Variants in ZCWPW2 observed in about 807,000 individuals in gnomAD.
ZCWPW2 encodes the protein zinc finger CW-type PWWP domain protein 2.
Under a neutral mutation model 46.6 loss-of-function variants are expected in ZCWPW2, and 45 were observed. The ratio of observed to expected loss-of-function variants is 0.96; its 90% CI spans 0.76 to 1.24. The LOEUF is 1.24. ZCWPW2 is among the 50% of genes most tolerant of loss of function. ZCWPW2 has a pLI of 0.00. For synonymous variants in ZCWPW2, 152 were observed against 137.1 expected (o/e 1.11, Z -0.76); for missense variants, 429 against 403.9 (o/e 1.06, Z -0.53).
chr3:28,488,428 G>A (rs1255057444), intron 5 of ZCWPW2, among the ~76,000 whole-genome samples: 2 of 152,094 alleles, frequency 1.3e-5, no homozygotes, highest in Non-Finnish European at 2.9e-5. Flanking sequence ...TTACATGCCA[G>A]ACCAGAAACT....
intron 4 of ZCWPW2, among the ~76,000 whole-genome samples, chr3:28,475,087 G>C (rs939527229): frequency 2.0e-5 from 3 of 151,918 alleles, no homozygotes; most frequent in African/African-American, 4.8e-5. Context: ...CAGGCAACCT[G>C]TCCAACTCGG....
At chr3:28,489,659 C>T (rs1277626035) in intron 5 of ZCWPW2, among the ~76,000 whole-genome samples, 13 of 63,250 alleles carry the variant, frequency 2.1e-4, no homozygotes, top group Non-Finnish European at 3.9e-4. Flanking sequence ...CTTTCACACA[C>T]ACACGCGCGC....
At chr3:28,521,984 C>T (rs1488959762) in intron 9 of ZCWPW2, among the ~76,000 whole-genome samples, 2 of 152,156 alleles carry the variant, frequency 1.3e-5, no homozygotes, top group Non-Finnish European at 2.9e-5. Flanking sequence ...TGGCTTATCA[C>T]TTACCTCAGA....
intron 1 of ZCWPW2, among the ~76,000 whole-genome samples, chr3:28,351,310 T>C (rs1704541359): frequency 6.6e-6 from 1 of 150,662 alleles, no homozygotes; most frequent in Non-Finnish European, 1.5e-5. Context: ...TTCCACCCCC[T>C]ACACCAATTC....
intron 6 of ZCWPW2, among the ~76,000 whole-genome samples, chr3:28,513,750 AG>A (rs1252172929): frequency 6.6e-6 from 1 of 151,940 alleles, no homozygotes; most frequent in Non-Finnish European, 1.5e-5. Context: ...CTTTATCTAA[AG>A]GTTATATATG....
rs531069585 is a variant in ZCWPW2 at position 28,382,058 on chromosome 3, A to C, written c.-133-8440A>C. On this transcript the variant is annotated intron_variant, in intron 1 of 9. Coordinates refer to ENST00000383768, the MANE Select transcript of ZCWPW2 (RefSeq NM_001040432.4). Reference sequence around the variant, plus strand: ...ATGCCTGTAATCCCATCTACTCGGGAGGCTGAGGCGGGAGAATCGCTTGAA... The same window carrying C: ...ATGCCTGTAATCCCATCTACTCGGGCGGCTGAGGCGGGAGAATCGCTTGAA... Among the ~76,000 whole-genome samples the C allele has an allele frequency of 2.7e-5, 4 of 147,548 alleles. No individual in the cohort carries two copies. The South Asian group carries it at 9.0e-4, about 33-fold the overall frequency.
intron 2 of ZCWPW2, among the ~76,000 whole-genome samples, chr3:28,391,015 A>T (rs1695466104): frequency 6.6e-6 from 1 of 152,188 alleles, no homozygotes; most frequent in African/African-American, 2.4e-5. Context: ...AGGGCCCCAG[A>T]TAGGGATTGA....
intron 4 of ZCWPW2, among the ~76,000 whole-genome samples, chr3:28,435,954 C>A (rs1697472462): frequency 6.6e-6 from 1 of 152,106 alleles, no homozygotes; most frequent in Non-Finnish European, 1.5e-5. Context: ...TTATGGATTG[C>A]AACCAGTTTT....
intron 6 of ZCWPW2, among the ~76,000 whole-genome samples, chr3:28,506,408 C>T (rs950216771): frequency 5.9e-5 from 9 of 151,964 alleles, no homozygotes. Context: ...CAAGCTAATT[C>T]TGGCCGTTAC....
chr3:28,420,377 T>G (rs1696720272), intron 3 of ZCWPW2, among the ~76,000 whole-genome samples: 1 of 152,116 alleles, frequency 6.6e-6, no homozygotes, highest in Non-Finnish European at 1.5e-5. Flanking sequence ...TCTTTATTTC[T>G]GCCTTCATTT....
At chr3:28,517,188 A>G (rs1444221768) in intron 8 of ZCWPW2, among the ~76,000 whole-genome samples, 1 of 152,136 alleles carries the variant, frequency 6.6e-6, no homozygotes, top group Non-Finnish European at 1.5e-5. Context: ...GTGCAAATTT[A>G]TTTAGGATTT....
At chr3:28,491,084 GAAGA>G (rs1314811788) in intron 5 of ZCWPW2, among the ~76,000 whole-genome samples, 1 of 152,052 alleles carries the variant, frequency 6.6e-6, no homozygotes, top group African/African-American at 2.4e-5. Flanking sequence ...ATAATACAAG[GAAGA>G]AAGTTTCATG....
At chr3:28,433,871 C>T (rs1697375456) in intron 3 of ZCWPW2, among the ~76,000 whole-genome samples, 2 of 150,144 alleles carry the variant, frequency 1.3e-5, no homozygotes, top group African/African-American at 2.4e-5. Flanking sequence ...GGAACACTGA[C>T]ATCATTAACT....
chr3:28,475,092 A>G (rs1055179429), intron 4 of ZCWPW2, among the ~76,000 whole-genome samples: 2 of 151,878 alleles, frequency 1.3e-5, no homozygotes, highest in African/African-American at 4.8e-5. Context: ...AACCTGTCCA[A>G]CTCGGCCTCC....
intron 6 of ZCWPW2, among the ~76,000 whole-genome samples, chr3:28,513,101 T>C (rs187735835): frequency 1.3e-3 from 200 of 152,328 alleles, no homozygotes; most frequent in African/African-American, 4.3e-3. Flanking sequence ...TCCTGACTTG[T>C]AGTGCCACAG....
At chr3:28,522,366 G>A (rs1262240032) in intron 9 of ZCWPW2, among the ~76,000 whole-genome samples, 1 of 152,134 alleles carries the variant, frequency 6.6e-6, no homozygotes, top group Non-Finnish European at 1.5e-5. Context: ...TTGCTAGAGA[G>A]AATAAGTGCT....
At chr3:28,435,906 G>T (rs1046729203) in intron 4 of ZCWPW2, among the ~76,000 whole-genome samples, 1 of 152,292 alleles carries the variant, frequency 6.6e-6, no homozygotes, top group African/African-American at 2.4e-5. Context: ...GAGAAGAGGA[G>T]ACTCTATGTT....
intron 1 of ZCWPW2, among the ~76,000 whole-genome samples, chr3:28,379,169 G>A (rs149083508): frequency 1.3e-5 from 2 of 152,208 alleles, no homozygotes; most frequent in East Asian, 3.9e-4. Flanking sequence ...AAAGAAAATA[G>A]AATCAAGGTC....
At chr3:28,370,262 G>T (rs1705278485) in intron 1 of ZCWPW2, among the ~76,000 whole-genome samples, 2 of 152,198 alleles carry the variant, frequency 1.3e-5, no homozygotes, top group South Asian at 4.1e-4. Context: ...GCTGGGAACT[G>T]TAGACTGGAG....
Sources: gnomAD v4.1 joint callset for allele counts (sites outside exome capture counted in the v4.1 genomes callset) on GRCh38, gnomAD v4.1.1 for gene constraint, MANE v1.5 for transcripts, NCBI Gene and HGNC (gene_info 2026-07-23, HGNC 2026-07-21) for gene names.